Variants in ARID2 observed in about 807,000 individuals in gnomAD.
ARID2 encodes AT-rich interaction domain 2.
In ARID2, 32 loss-of-function variants were observed where a neutral mutation model predicts 184.6. That is an observed-to-expected ratio of 0.17 (90% confidence interval 0.13 to 0.23). ARID2 has a LOEUF of 0.23. Among genes scored for constraint, ARID2 ranks in the 10% least tolerant of loss-of-function variants. The pLI is 1.00. For missense variants in ARID2, 1,696 were observed against 2,197.6 expected, an observed-to-expected ratio of 0.77 and a Z score of 4.56; for synonymous variants, 836 against 772.6, an observed-to-expected ratio of 1.08 and a Z score of -1.36.
At chr12:45,864,030 A>AT (rs1357899772) in intron 16 of ARID2, among the ~76,000 whole-genome samples, 4 of 151,628 alleles carry the variant, frequency 2.6e-5, no homozygotes, top group East Asian at 1.9e-4. Context: ...TAATTTTTGC[A>AT]TTTTTTTATA....
Position 45,851,313 on chromosome 12 carries a change from C to T in ARID2, c.3190C>T (p.Leu1064=), listed in dbSNP as rs755848677. The part of the protein sequence containing the change: ...SGESSLIKQL[L]LPKRGPSTPG... Reference sequence around the variant, plus strand: ...TGAGTCGAGTCTGATTAAACAGCTTCTGCTTCCGAAACGTGGTCCTTCAAC... The same window carrying T: ...TGAGTCGAGTCTGATTAAACAGCTTTTGCTTCCGAAACGTGGTCCTTCAAC... Residue 1064 remains leucine, a synonymous_variant, in exon 15 of 21, where the codon CTG becomes TTG. Coordinates refer to ENST00000334344, the MANE Select transcript of ARID2 (RefSeq NM_152641.4). 6.2e-7 allele frequency: 1 copy of T among 1,614,154 alleles called. No individual in the cohort carries two copies. Among genetic ancestry groups the T allele is most frequent in the Non-Finnish European group, 8.5e-7 (1 of 1,180,022 alleles).
intron 11 of ARID2, among the ~76,000 whole-genome samples, chr12:45,843,556 A>G (rs960916446): frequency 5.9e-5 from 9 of 151,834 alleles, no homozygotes; most frequent in Non-Finnish European, 1.3e-4. Context: ...TTTAATAGAG[A>G]TGAGATTTCA....
intron 3 of ARID2, among the ~76,000 whole-genome samples, chr12:45,752,986 C>A (rs1213938923): frequency 6.6e-6 from 1 of 152,070 alleles, no homozygotes; most frequent in East Asian, 1.9e-4. Flanking sequence ...TCCAGCTGGG[C>A]GTGGTGGCTC....
chr12:45,813,271 G>A (rs1942744014), intron 4 of ARID2, among the ~76,000 whole-genome samples: 2 of 152,034 alleles, frequency 1.3e-5, no homozygotes, highest in South Asian at 4.1e-4. Flanking sequence ...ATACTGAAAA[G>A]GGGTAGAATT....
chr12:45,821,408 T>A lies in ARID2; in HGVS notation c.638-12T>A. 1 of 1,473,032 alleles carries A rather than the reference T, an allele frequency of 6.8e-7. No individual in the cohort carries two copies. The highest frequency in any genetic ancestry group is 9.1e-7 in the Non-Finnish European group (1 of 1,100,866). 91.2% of individuals were successfully genotyped at this position (1,473,032 alleles called of 1,614,324 possible). On this transcript the variant is annotated splice_polypyrimidine_tract_variant and intron_variant, in intron 5 of 20. Transcript: ENST00000334344. The stretch of plus-strand genomic sequence containing the variant: ...TTTTATTGAATGTACTATTTATTTA[T>A]TTGTTTTTTAGCTTTAGGATCCTTT...
chr12:45,809,661 C>T (rs1207133300), intron 3 of ARID2, among the ~76,000 whole-genome samples: 3 of 152,128 alleles, frequency 2.0e-5, no homozygotes, highest in African/African-American at 7.2e-5. Context: ...TATCTACAAC[C>T]ATAAAGAAAA....
intron 3 of ARID2, among the ~76,000 whole-genome samples, chr12:45,736,460 A>C (rs1186638503): frequency 6.6e-6 from 1 of 152,206 alleles, no homozygotes; most frequent in Non-Finnish European, 1.5e-5. Flanking sequence ...ACTGCATTTC[A>C]TTAGTCAGTG....
In ARID2 at chr12:45,837,643, A is replaced by G. The variant is rs763256118; in HGVS notation, c.1266A>G (p.Leu422=). 10 of 1,614,040 alleles carry G rather than the reference A, an allele frequency of 6.2e-6. No homozygotes were observed. The highest frequency in any genetic ancestry group is 1.7e-4 in the Middle Eastern group (1 of 6,060). The change falls in exon 10 of 21, where the codon CTA becomes CTG. Residue 422 remains leucine (L), a synonymous_variant. Transcript: ENST00000334344. ...VLLVISTLEV[L]YMLTEMGDVA... ...TTGTAATCTCAACACTCGAGGTGCT[A>G]TACATGCTCACGGAAATGGGAGATG...
chr12:45,797,303 C>T (rs540602955), intron 3 of ARID2, among the ~76,000 whole-genome samples: 1 of 152,288 alleles, frequency 6.6e-6, no homozygotes, highest in Admixed American at 6.5e-5. Context: ...GGCGTGATCT[C>T]GGCTCACTGC....
Position 45,839,408 on chromosome 12 carries a change from C to A in ARID2, c.1410C>A (p.His470Gln), listed in dbSNP as rs534904481. 6.2e-7 allele frequency: 1 copy of A among 1,613,966 alleles called. No homozygotes were observed. Among genetic ancestry groups the A allele is most frequent in the African/African-American group, 1.3e-5 (1 of 74,904 alleles). ...TAGCTGCGGTAAAACTCATTGAACA[C>A]CCAAGTTCCAGTCATCAAATGTTAT... ...DALAAVKLIE[H>Q]PSSSHQMLSE... is the part of the protein sequence containing the mutation. The change falls in exon 11 of 21, where the codon CAC (histidine) becomes CAA (glutamine). Residue 470 changes from histidine to glutamine, a missense_variant. This residue lies in a region of ARID2 where 713 missense variants were observed against 824.4 expected (regional missense o/e 0.86). Coordinates refer to ENST00000334344, the MANE Select transcript of ARID2 (RefSeq NM_152641.4).
chr12:45,892,147 A>G (rs1252872362), intron 18 of ARID2, 51 bp downstream of exon 18: 3 of 1,545,492 alleles, frequency 1.9e-6, no homozygotes, highest in South Asian at 1.2e-5. Context: ...GAAACTAGGC[A>G]AAACACAAGA....
chr12:45,797,097 TATC>T (rs1942405538), intron 3 of ARID2, among the ~76,000 whole-genome samples: 1 of 152,198 alleles, frequency 6.6e-6, no homozygotes, highest in African/African-American at 2.4e-5. Flanking sequence ...AAAATTATAA[TATC>T]AATCCTTTTT....
rs1200157478 is a variant in ARID2, at chr12:45,851,555, C to T, written c.3432C>T (p.Pro1144=). Residue 1144 remains proline, a synonymous_variant, in exon 15 of 21, where the codon CCC becomes CCT. Transcript: ENST00000334344. Reference sequence around the variant, plus strand: ...CCTCAGGGGGAGTACAAACTGTGCCCATTTCGAACTTACAAATATTGCCAG... The same window carrying T: ...CCTCAGGGGGAGTACAAACTGTGCCTATTTCGAACTTACAAATATTGCCAG... ...MPPSGGVQTV[P]ISNLQILPGP... 1 of 1,614,092 alleles carries T rather than the reference C, an allele frequency of 6.2e-7. No homozygotes were observed. Among genetic ancestry groups the T allele is most frequent in the African/African-American group, 1.3e-5 (1 of 75,030 alleles).
intron 16 of ARID2, chr12:45,881,851 C>A: frequency 1.3e-5 from 3 of 226,722 alleles, no homozygotes; most frequent in South Asian, 1.5e-4. Context: ...TTGAACTTCT[C>A]GCCAACTCTG....
intron 3 of ARID2, among the ~76,000 whole-genome samples, chr12:45,808,298 C>T (rs1311240815): frequency 6.6e-6 from 1 of 152,170 alleles, no homozygotes; most frequent in Non-Finnish European, 1.5e-5. Flanking sequence ...AAAAACCAAA[C>T]AAACTGACCT....
chr12:45,731,885 G>C (rs909863833), intron 3 of ARID2, among the ~76,000 whole-genome samples: 1 of 151,906 alleles, frequency 6.6e-6, no homozygotes, highest in Non-Finnish European at 1.5e-5. Context: ...ACTTAAATTA[G>C]TAATTTAAAT....
At position 45,750,387 on chromosome 12, in the gene ARID2, T is replaced by TATA. The variant is rs534453856; in HGVS notation, c.284+19085_284+19087dup. On this transcript the variant is annotated intron_variant, in intron 3 of 20. Transcript: ENST00000334344. ...ACTGATCAGAGATCACCATAATGGATATAATAATAATAATGAAAAAGTTTG... is the reference window on the plus strand; with the variant it reads ...ACTGATCAGAGATCACCATAATGGATATAATAATAATAATAATGAAAAAGTTTG... Among the ~76,000 whole-genome samples, 60 of 152,262 alleles carry TATA rather than the reference T, an allele frequency of 3.9e-4. No individual in the cohort carries two copies. In the South Asian group the frequency reaches 8.7e-3, roughly 22 times the overall value.
intron 16 of ARID2, among the ~76,000 whole-genome samples, chr12:45,866,252 A>G (rs556930839): frequency 6.6e-6 from 1 of 152,196 alleles, no homozygotes; most frequent in East Asian, 1.9e-4. Context: ...TGTTATCTGC[A>G]TTGGTAAATA....
chr12:45,799,336 A>G (rs140043710), intron 3 of ARID2, among the ~76,000 whole-genome samples: 1 of 152,310 alleles, frequency 6.6e-6, no homozygotes. Flanking sequence ...TTATTTTGAT[A>G]CTTGCTTTTC....
Sources: gnomAD v4.1 joint callset for allele counts (sites outside exome capture counted in the v4.1 genomes callset) on GRCh38, gnomAD v4.1.1 for gene constraint, gnomAD v4.1.1 regional missense constraint, MANE v1.5 for transcripts, NCBI Gene and HGNC (gene_info 2026-07-23, HGNC 2026-07-21) for gene names.